Variants in OPCML observed in about 807,000 individuals in gnomAD.
The protein encoded by OPCML is opioid binding protein/cell adhesion molecule like.
In OPCML, 13 loss-of-function variants were observed where a neutral mutation model predicts 37.8. The observed-to-expected ratio is 0.34, with a 90% CI of 0.22 to 0.55. The LOEUF (loss-of-function observed/expected upper bound fraction) is 0.55, where lower values mean the gene tolerates loss of function less well. Ranked by LOEUF, OPCML falls within the 20% of genes least tolerant of loss-of-function variation. OPCML has a pLI of 0.91. For missense variants in OPCML, 341 were observed against 435.6 expected (o/e 0.78, Z 1.93); for synonymous variants, 176 against 168.8 (o/e 1.04, Z -0.33).
Position 132,420,229 on chromosome 11 carries a change from T to C in OPCML, c.981A>G (p.Ser327=). 6.2e-7 allele frequency: 1 copy of C among 1,613,944 alleles called. No homozygotes were observed. The highest frequency in any genetic ancestry group is 8.5e-7 in the Non-Finnish European group (1 of 1,179,874). The change falls in exon 8 of 8, where the codon TCA becomes TCG. Residue 327 remains serine (S), a synonymous_variant. Transcript: ENST00000524381. ...TGAAGAAGTGGGCTAAGAGGGTCCC[T>C]GATAGCCAGAGACAAGCCAGTGCTC... ...ASRALACLWL[S]GTLLAHFFIK... is the part of the protein sequence containing the mutation.
At chr11:133,399,060 T>C (rs1185104732) in intron 1 of OPCML, among the ~76,000 whole-genome samples, 1 of 152,216 alleles carries the variant, frequency 6.6e-6, no homozygotes, top group African/African-American at 2.4e-5. Context: ...TTGGTATTCA[T>C]CACATAATTA....
At chr11:132,695,138 A>G (rs1214819568) in intron 2 of OPCML, among the ~76,000 whole-genome samples, 2 of 152,190 alleles carry the variant, frequency 1.3e-5, no homozygotes, top group African/African-American at 4.8e-5. Context: ...ATAGGCACAT[A>G]TGCAAATTAA....
intron 1 of OPCML, among the ~76,000 whole-genome samples, chr11:133,200,032 C>T (rs536696337): frequency 1.2e-4 from 19 of 152,284 alleles, no homozygotes; most frequent in South Asian, 4.1e-4. Flanking sequence ...GCACACGTCC[C>T]GCCCTCCATC....
intron 1 of OPCML, chr11:133,422,556 A>C (rs534978581): frequency 2.1e-6 from 2 of 958,070 alleles, no homozygotes; most frequent in Non-Finnish European, 2.5e-6. Flanking sequence ...GCTGGAGTGC[A>C]GCGGTGCGAA....
intron 1 of OPCML, among the ~76,000 whole-genome samples, chr11:133,449,020 A>G (rs1946527377): frequency 6.6e-6 from 1 of 152,242 alleles, no homozygotes; most frequent in South Asian, 2.1e-4. Flanking sequence ...AAGTGTGGAT[A>G]ATTAACAAGT....
intron 2 of OPCML, among the ~76,000 whole-genome samples, chr11:132,812,820 G>A (rs181789716): frequency 3.9e-5 from 6 of 152,314 alleles, no homozygotes; most frequent in South Asian, 2.1e-4. Flanking sequence ...TTGAGGGCAG[G>A]AGCCTGCTTT....
intron 1 of OPCML, among the ~76,000 whole-genome samples, chr11:132,955,600 C>G (rs1945960526): frequency 6.6e-6 from 1 of 152,150 alleles, no homozygotes; most frequent in East Asian, 1.9e-4. Flanking sequence ...AATGCTGAAT[C>G]TGGCTGGGCG....
intron 2 of OPCML, among the ~76,000 whole-genome samples, chr11:132,667,103 C>T (rs923936075): frequency 2.6e-5 from 4 of 152,142 alleles, no homozygotes; most frequent in African/African-American, 7.2e-5. Context: ...AACACTTTAA[C>T]GAACTTTGAT....
chr11:132,535,416 C>A (rs192436664), intron 3 of OPCML, among the ~76,000 whole-genome samples: 8 of 152,028 alleles, frequency 5.3e-5, no homozygotes, highest in Admixed American at 4.6e-4. Context: ...CAGACCTCAT[C>A]TCAGCTGAGA....
chr11:132,953,863 A>AGAAC (rs1276994335), intron 1 of OPCML, among the ~76,000 whole-genome samples: 2 of 152,212 alleles, frequency 1.3e-5, no homozygotes, highest in African/African-American at 4.8e-5. Context: ...TTTTATTTAA[A>AGAAC]GAACGAGCAA....
At chr11:133,455,443 A>T (rs1350565730) in intron 1 of OPCML, among the ~76,000 whole-genome samples, 1 of 152,192 alleles carries the variant, frequency 6.6e-6, no homozygotes, top group Non-Finnish European at 1.5e-5. Context: ...CTCAGTTAGA[A>T]AAATCAAACC....
intron 1 of OPCML, among the ~76,000 whole-genome samples, chr11:133,219,813 T>A (rs1388067327): frequency 1.3e-5 from 2 of 152,048 alleles, no homozygotes; most frequent in Non-Finnish European, 2.9e-5. Context: ...AGGGGGGTGC[T>A]ACAGACATCT....
At chr11:132,804,875 A>G (rs1046916323) in intron 2 of OPCML, among the ~76,000 whole-genome samples, 4 of 152,218 alleles carry the variant, frequency 2.6e-5, no homozygotes, top group South Asian at 2.1e-4. Flanking sequence ...CAAAAAATCA[A>G]TAGTCCTAAA....
intron 2 of OPCML, among the ~76,000 whole-genome samples, chr11:132,668,196 G>T (rs942105829): frequency 6.6e-6 from 1 of 152,134 alleles, no homozygotes; most frequent in Non-Finnish European, 1.5e-5. Flanking sequence ...TCAATGATGG[G>T]GATGTGAACT....
chr11:132,800,739 C>T (rs1188664871), intron 2 of OPCML, among the ~76,000 whole-genome samples: 1 of 152,094 alleles, frequency 6.6e-6, no homozygotes, highest in African/African-American at 2.4e-5. Context: ...ACCTTTCATG[C>T]TTGGGACAAA....
chr11:133,083,745 G>A (rs1197224723), intron 1 of OPCML, among the ~76,000 whole-genome samples: 3 of 152,228 alleles, frequency 2.0e-5, no homozygotes, highest in Non-Finnish European at 4.4e-5. Flanking sequence ...AGGCCCATGT[G>A]GAATGCCAGA....
intron 1 of OPCML, among the ~76,000 whole-genome samples, chr11:133,321,788 T>C (rs947145328): frequency 2.0e-5 from 3 of 152,112 alleles, no homozygotes; most frequent in Non-Finnish European, 2.9e-5. Context: ...TATTAGAAAC[T>C]CGAGTTTGAT....
chr11:132,958,843 G>A (rs185784140), intron 1 of OPCML, among the ~76,000 whole-genome samples: 5 of 152,218 alleles, frequency 3.3e-5, no homozygotes, highest in Admixed American at 1.3e-4. Flanking sequence ...AAATATCACT[G>A]CCCATTGACA....
intron 1 of OPCML, among the ~76,000 whole-genome samples, chr11:133,037,655 T>C (rs1040908356): frequency 1.3e-5 from 2 of 152,104 alleles, no homozygotes; most frequent in Non-Finnish European, 2.9e-5. Flanking sequence ...GAAATTCAGA[T>C]CCTACTGAAG....
Sources: allele counts gnomAD v4.1 joint callset (sites outside exome capture counted in the v4.1 genomes callset), GRCh38; gene constraint gnomAD v4.1.1; transcripts MANE v1.5; gene names NCBI Gene and HGNC (gene_info 2026-07-23, HGNC 2026-07-21).